Variants in INPP5D observed in about 807,000 individuals in gnomAD.
INPP5D encodes the protein phosphatidylinositol 3,4,5-trisphosphate 5-phosphatase 1.
A neutral mutation model predicts 122.9 loss-of-function variants in INPP5D; 33 were observed. The observed-to-expected ratio is 0.27, with a 90% confidence interval of 0.20 to 0.36. The LOEUF (loss-of-function observed/expected upper bound fraction) is 0.36, where lower values mean the gene tolerates loss of function less well. INPP5D is among the 10% of genes least tolerant of loss of function. The pLI, the probability that INPP5D is intolerant of heterozygous loss-of-function variation, is 1.00. For missense variants in INPP5D, 1,053 were observed against 1,412.7 expected (o/e 0.75, Z 4.08); for synonymous variants, 584 against 576.2 (o/e 1.01, Z -0.19).
rs1435430705 is a variant in INPP5D, at chr2:233,130,645, A to G, written c.662A>G (p.Tyr221Cys). 2 of 1,613,776 alleles carry G rather than the reference A, an allele frequency of 1.2e-6. No individual in the cohort carries two copies. The highest frequency in any genetic ancestry group is 1.7e-6 in the Non-Finnish European group (2 of 1,179,836). Reference sequence around the variant, plus strand: ...ACCACACTGCTCTGCAAGGAGCTCTATGGGTAATGGCTGGCCCACGGGGGC... The same window carrying G: ...ACCACACTGCTCTGCAAGGAGCTCTGTGGGTAATGGCTGGCCCACGGGGGC... ...KLTTLLCKEL[Y>C]GEVIRTLPSL... Residue 221 changes from tyrosine (Y) to cysteine (C), a missense_variant, in exon 5 of 27, where the codon TAT becomes TGT. By Grantham distance (194) the Tyr-to-Cys change is radical (BLOSUM62 -2). Around this residue, in one of 6 missense-constraint regions of INPP5D, gnomAD observed 196 missense variants for 175.6 expected, o/e 1.12. Coordinates refer to ENST00000445964, the MANE Select transcript of INPP5D (RefSeq NM_001017915.3).
intron 13 of INPP5D, chr2:233,168,905 G>C (rs984539812): frequency 9.6e-6 from 2 of 208,154 alleles, no homozygotes; most frequent in African/African-American, 4.6e-5. Flanking sequence ...GGCAGAAAAA[G>C]GTATGATCTC....
chr2:233,204,575 C>CGCT lies in INPP5D; in HGVS notation c.3428_3430dup (p.Leu1143dup). 6.4e-7 allele frequency: 1 copy of CGCT among 1,566,758 alleles called. No homozygotes were observed. Among genetic ancestry groups the CGCT allele is most frequent in the Non-Finnish European group, 8.6e-7 (1 of 1,157,146 alleles). On this transcript the variant is annotated inframe_insertion, in exon 26 of 27. Coordinates refer to ENST00000445964, the MANE Select transcript of INPP5D (RefSeq NM_001017915.3). ...CCGCCCACCCCGACGCCGCGGCCGC[C>CGCT]GCTGCCAGTCAAGAGCCCGGCGGTG... is the stretch of plus-strand genomic sequence containing the variant.
intron 2 of INPP5D, among the ~76,000 whole-genome samples, chr2:233,110,370 A>G (rs13016591): frequency 6.7e-6 from 1 of 149,276 alleles, no homozygotes; most frequent in Non-Finnish European, 1.5e-5. Flanking sequence ...TTTTATTTTT[A>G]TTTTTTTTTA....
In INPP5D at chr2:233,125,904, G is replaced by A; in HGVS notation, c.509G>A (p.Ser170Asn). The A allele has an allele frequency of 6.2e-7, 1 of 1,613,666 alleles. No homozygotes were observed. Among genetic ancestry groups the A allele is most frequent in the Non-Finnish European group, 8.5e-7 (1 of 1,179,760 alleles). ...LSETLFQRLQ[S>N]MDTSGLPEEH... ...GAGACATTGTTCCAGCGACTGCAAA[G>A]CATGGACACCAGTGGGTGAGTCCCC... Residue 170 changes from serine (S) to asparagine (N), a missense_variant, in exon 4 of 27, where the codon AGC becomes AAC. Ser to Asn is a conservative substitution (Grantham distance 46, BLOSUM62 1). Transcript: ENST00000445964.
chr2:233,105,446 G>A lies in INPP5D; in HGVS notation c.199-16661G>A, dbSNP rs760949263. Among the ~76,000 whole-genome samples the A allele has an allele frequency of 2.0e-5, 3 of 152,160 alleles. No individual in the cohort carries two copies. The highest frequency in any genetic ancestry group is 2.9e-5 in the Non-Finnish European group (2 of 68,038). Reference sequence around the variant, plus strand: ...GAATCCTTCCCTGATCCACCAGGCTGAGTCTCCCGGAGCACCCTCCCAAGC... The same window carrying A: ...GAATCCTTCCCTGATCCACCAGGCTAAGTCTCCCGGAGCACCCTCCCAAGC... On this transcript the variant is annotated intron_variant, in intron 2 of 26. Transcript: ENST00000445964. The surrounding 1 kb of genome is among the most constrained non-coding windows in gnomAD (Gnocchi z 4.0).
At chr2:233,163,383 G>A (rs1574776907) in intron 11 of INPP5D, among the ~76,000 whole-genome samples, 1 of 152,206 alleles carries the variant, frequency 6.6e-6, no homozygotes, top group South Asian at 2.1e-4. Flanking sequence ...TAGGATGTGA[G>A]TTCCTTGAGG....
intron 9 of INPP5D, among the ~76,000 whole-genome samples, chr2:233,157,096 G>T (rs940923225): frequency 2.6e-5 from 4 of 152,130 alleles, no homozygotes; most frequent in African/African-American, 9.7e-5. Context: ...TAAGTGTGAG[G>T]GTCGAATTCT....
chr2:233,147,674 G>A (rs888820096), intron 9 of INPP5D, 80 bp downstream of exon 9: 9 of 683,766 alleles, frequency 1.3e-5, no homozygotes, highest in African/African-American at 5.3e-5. Flanking sequence ...CTCTCAGAAG[G>A]CCTGCCCTGC....
At chr2:233,089,479 G>A (rs1280455445) in intron 2 of INPP5D, among the ~76,000 whole-genome samples, 1 of 152,168 alleles carries the variant, frequency 6.6e-6, no homozygotes, top group Non-Finnish European at 1.5e-5. Flanking sequence ...TGGGGCGCTG[G>A]GCTGGAGGGT....
intron 2 of INPP5D, among the ~76,000 whole-genome samples, chr2:233,086,020 T>A (rs1574713137): frequency 6.6e-6 from 1 of 152,170 alleles, no homozygotes; most frequent in East Asian, 1.9e-4. Context: ...GACTGGGGAA[T>A]GGGATGCAAG....
chr2:233,086,426 G>A (rs1277163942), intron 2 of INPP5D, among the ~76,000 whole-genome samples: 10 of 151,952 alleles, frequency 6.6e-5, no homozygotes, highest in African/African-American at 1.5e-4. Flanking sequence ...TAATCTGCTC[G>A]CCTTGGCCTC....
chr2:233,144,957 C>T (rs1464199594), intron 6 of INPP5D, among the ~76,000 whole-genome samples: 1 of 151,978 alleles, frequency 6.6e-6, no homozygotes, highest in Non-Finnish European at 1.5e-5. Flanking sequence ...GCAAGTGCAG[C>T]CTGGCTGCTA....
intron 2 of INPP5D, among the ~76,000 whole-genome samples, chr2:233,086,080 G>A (rs530781015): frequency 6.6e-6 from 1 of 152,102 alleles, no homozygotes; most frequent in East Asian, 1.9e-4. Context: ...TCTAGTAAAG[G>A]TCTGTTTGTC....
At chr2:233,120,182 T>C (rs1030542308) in intron 2 of INPP5D, among the ~76,000 whole-genome samples, 3 of 152,198 alleles carry the variant, frequency 2.0e-5, no homozygotes, top group Admixed American at 2.0e-4. Flanking sequence ...TCTCAACTAA[T>C]TTTAAAATGA....
intron 2 of INPP5D, among the ~76,000 whole-genome samples, chr2:233,101,591 CAATT>C (rs1366605598): frequency 3.5e-5 from 5 of 143,662 alleles, no homozygotes; most frequent in African/African-American, 5.1e-5. Flanking sequence ...TTATTAAAAT[CAATT>C]AATTATTAAA....
chr2:233,077,458 G>C (rs1056351638), intron 1 of INPP5D, among the ~76,000 whole-genome samples: 1 of 151,940 alleles, frequency 6.6e-6, no homozygotes, highest in Non-Finnish European at 1.5e-5. Flanking sequence ...GTCAGGAGTC[G>C]AGACCAGCCT....
intron 5 of INPP5D, among the ~76,000 whole-genome samples, chr2:233,137,657 T>C (rs12987520): frequency 0.36 from 53,758 of 147,424 alleles, 11,125 homozygotes; most frequent in Non-Finnish European, 0.45. Context: ...GGTTTCACCA[T>C]GTTGGCCAGG....
chr2:233,144,209 G>A (rs1693688327), intron 6 of INPP5D, among the ~76,000 whole-genome samples: 2 of 151,430 alleles, frequency 1.3e-5, no homozygotes, highest in South Asian at 4.2e-4. Context: ...ACTGGTAGGG[G>A]TGGAGGTGGT....
chr2:233,149,463 G>A (rs892638158), intron 9 of INPP5D, among the ~76,000 whole-genome samples: 3 of 152,194 alleles, frequency 2.0e-5, no homozygotes, highest in Middle Eastern at 3.4e-3. Flanking sequence ...CCTTGGCAGG[G>A]CCTGTGCATT....
Sources: allele counts gnomAD v4.1 joint callset (sites outside exome capture counted in the v4.1 genomes callset), GRCh38; gene constraint gnomAD v4.1.1; regional missense constraint gnomAD v4.1.1; non-coding constraint Gnocchi (gnomAD v3.1); transcripts MANE v1.5; gene names NCBI Gene and HGNC (gene_info 2026-07-23, HGNC 2026-07-21).